Variants in ITGBL1 observed in about 807,000 individuals in gnomAD.
ITGBL1 encodes integrin subunit beta like 1.
In ITGBL1, 51 loss-of-function variants were observed where a neutral mutation model predicts 68.5. The observed-to-expected ratio is 0.74, with a 90% CI of 0.59 to 0.94. The LOEUF (loss-of-function observed/expected upper bound fraction) is 0.94, where lower values mean the gene tolerates loss of function less well. Ranked by LOEUF, ITGBL1 falls within the 40% of genes least tolerant of loss-of-function variation. ITGBL1 has a pLI of 0.00. For missense variants in ITGBL1, 649 were observed against 647.4 expected (o/e 1.00, Z -0.03); for synonymous variants, 209 against 227.3 (o/e 0.92, Z 0.72).
In ITGBL1 at chr13:101,714,481, G is replaced by A; in HGVS notation, c.1323G>A (p.Trp441Ter). 6.2e-7 allele frequency: 1 copy of A among 1,612,864 alleles called. No individual in the cohort carries two copies. Among genetic ancestry groups the A allele is most frequent in the Non-Finnish European group, 8.5e-7 (1 of 1,178,926 alleles). ...CGKCICSAEE[W>*]YISGEFCDCD... is the part of the protein sequence containing the mutation. ...AGTGCATTTGTTCTGCTGAAGAGTG[G>A]TATATTTCTGGGGAGTTCTGTGACT... The change falls in exon 10 of 11, where the codon TGG becomes TGA. Residue 441 changes from tryptophan to a stop codon, truncating the protein, a stop_gained. Transcript: ENST00000376180. LOFTEE classifies it high-confidence loss of function.
intron 7 of ITGBL1, among the ~76,000 whole-genome samples, chr13:101,661,959 G>A (rs1009706895): frequency 6.6e-6 from 1 of 152,050 alleles, no homozygotes; most frequent in Admixed American, 6.6e-5. Context: ...TCAGGCAATC[G>A]GATGTATTTA....
chr13:101,693,343 C>T lies in ITGBL1; in HGVS notation c.1132+642C>T, dbSNP rs565089383. On this transcript the variant is annotated intron_variant, in intron 8 of 10. Transcript: ENST00000376180. ...CGCTGAGGCTGATGCATGTGAATTA[C>T]AGATCTTTCCACGTTTCCAGTATAA... Among the ~76,000 whole-genome samples, 111 of 152,306 alleles carry T rather than the reference C, an allele frequency of 7.3e-4. 1 individual carries two copies. The highest frequency in any genetic ancestry group is 2.5e-3 in the African/African-American group (105 of 41,556).
chr13:101,630,827 G>A (rs916249872), intron 7 of ITGBL1, among the ~76,000 whole-genome samples: 4 of 152,072 alleles, frequency 2.6e-5, no homozygotes, highest in African/African-American at 9.7e-5. Flanking sequence ...TGTAATCTTA[G>A]TTGCCTCTCT....
At chr13:101,714,751 G>GA in intron 10 of ITGBL1, 200 bp downstream of exon 10, 1 of 550,736 alleles carries the variant, frequency 1.8e-6, no homozygotes, top group South Asian at 2.6e-5. Flanking sequence ...GAATACAAGA[G>GA]AATGAAGCTA....
chr13:101,672,466 A>G (rs1357178172), intron 7 of ITGBL1, among the ~76,000 whole-genome samples: 5 of 152,224 alleles, frequency 3.3e-5, no homozygotes, highest in Non-Finnish European at 7.3e-5. Flanking sequence ...GCAGGCTCAA[A>G]ATGGCAGCTC....
At chr13:101,682,000 C>G (rs2033655167) in intron 7 of ITGBL1, among the ~76,000 whole-genome samples, 1 of 152,128 alleles carries the variant, frequency 6.6e-6, no homozygotes, top group Admixed American at 6.5e-5. Flanking sequence ...GAAAATTAAC[C>G]TCTACCAGAA....
chr13:101,577,392 C>T (rs2050380675), intron 4 of ITGBL1, among the ~76,000 whole-genome samples: 1 of 152,178 alleles, frequency 6.6e-6, no homozygotes, highest in African/African-American at 2.4e-5. Context: ...CTCAATTATT[C>T]AGATGTGTCT....
chr13:101,467,635 T>C (rs1234264703), intron 2 of ITGBL1, among the ~76,000 whole-genome samples: 1 of 152,164 alleles, frequency 6.6e-6, no homozygotes, highest in Non-Finnish European at 1.5e-5. Flanking sequence ...GGTAGAAGAA[T>C]GAGGGCTTTA....
intron 2 of ITGBL1, among the ~76,000 whole-genome samples, chr13:101,487,471 T>G (rs114748206): frequency 0.012 from 1,893 of 152,318 alleles, 42 homozygotes; most frequent in African/African-American, 0.043. Context: ...TAGCGAAAAT[T>G]TAGCTGAAAT....
chr13:101,649,305 T>G (rs528786371), intron 7 of ITGBL1, among the ~76,000 whole-genome samples: 1 of 152,288 alleles, frequency 6.6e-6, no homozygotes, highest in South Asian at 2.1e-4. Flanking sequence ...TCCTATTATT[T>G]GTGAGGAGGA....
chr13:101,720,526 T>G (rs1594017466), downstream of ITGBL1: 1 of 122,698 alleles, frequency 8.2e-6, no homozygotes, highest in East Asian at 2.5e-4. Flanking sequence ...TGGGGGTGTT[T>G]GCTCTGTGTG....
intron 2 of ITGBL1, among the ~76,000 whole-genome samples, chr13:101,508,416 A>T (rs2049060228): frequency 6.6e-6 from 1 of 152,166 alleles, no homozygotes; most frequent in African/African-American, 2.4e-5. Context: ...GGTAGGAGTT[A>T]TTGAATTGGT....
At chr13:101,701,291 T>G (rs924289464) in intron 8 of ITGBL1, among the ~76,000 whole-genome samples, 2 of 152,140 alleles carry the variant, frequency 1.3e-5, no homozygotes, top group African/African-American at 2.4e-5. Context: ...TCCCAGCACT[T>G]TGGGAGGCCG....
intron 7 of ITGBL1, among the ~76,000 whole-genome samples, chr13:101,649,239 TC>T (rs1430146436): frequency 1.3e-5 from 2 of 152,192 alleles, no homozygotes; most frequent in Non-Finnish European, 2.9e-5. Context: ...TATGGTCAAC[TC>T]TGAAATGAGA....
Position 101,454,110 on chromosome 13 carries a change from C to T in ITGBL1, c.316+10C>T, listed in dbSNP as rs749882159. ...GGGAGCACCTGTGCAGGTAAGAGGG[C>T]GGCGCTGTCTCCTCCCTCGGGAGGT... is the stretch of plus-strand genomic sequence containing the variant. On this transcript the variant is annotated intron_variant, in intron 2 of 10. Transcript: ENST00000376180. The T allele has an allele frequency of 3.9e-6, 6 of 1,531,934 alleles. No individual in the cohort carries two copies. Among genetic ancestry groups the T allele is most frequent in the East Asian group, 5.0e-5 (2 of 40,322 alleles). The allele number at this position is 1,531,934 out of a possible 1,614,324, so 94.9% of individuals were successfully genotyped here.
intron 6 of ITGBL1, among the ~76,000 whole-genome samples, chr13:101,584,407 G>T (rs1332676104): frequency 1.3e-5 from 2 of 152,202 alleles, no homozygotes; most frequent in African/African-American, 4.8e-5. Context: ...CCATAAGGTA[G>T]ACACATACAC....
At chr13:101,575,674 G>C in intron 4 of ITGBL1, 128 bp downstream of exon 4, 1 of 917,808 alleles carries the variant, frequency 1.1e-6, no homozygotes, top group East Asian at 2.5e-5. Context: ...TGTTTATCTG[G>C]AAAACATTTC....
chr13:101,617,600 ACTCAT>A (rs1406671880), intron 7 of ITGBL1, among the ~76,000 whole-genome samples: 4 of 152,172 alleles, frequency 2.6e-5, no homozygotes, highest in African/African-American at 7.2e-5. Context: ...TTTTAAGCAG[ACTCAT>A]CTCATTATAT....
At chr13:101,653,453 C>T (rs920946529) in intron 7 of ITGBL1, among the ~76,000 whole-genome samples, 1 of 152,090 alleles carries the variant, frequency 6.6e-6, no homozygotes, top group African/African-American at 2.4e-5. Context: ...AAAGGAAATG[C>T]AGCACTAAAA....
Sources: gnomAD v4.1 joint callset for allele counts (sites outside exome capture counted in the v4.1 genomes callset) on GRCh38, gnomAD v4.1.1 for gene constraint, MANE v1.5 for transcripts, NCBI Gene and HGNC (gene_info 2026-07-23, HGNC 2026-07-21) for gene names.